Variants in KIF13A observed in about 807,000 individuals in gnomAD.
KIF13A encodes kinesin family member 13A.
A neutral mutation model predicts 212.2 loss-of-function variants in KIF13A; 79 were observed. The observed-to-expected ratio is 0.37, with a 90% CI of 0.31 to 0.45. KIF13A has a LOEUF of 0.45. Ranked by LOEUF, KIF13A falls within the 20% of genes least tolerant of loss-of-function variation. The pLI is 1.00. For synonymous variants in KIF13A, 789 were observed against 808.6 expected, an observed-to-expected ratio of 0.98 and a Z score of 0.41; for missense variants, 1,901 against 2,209.0, an observed-to-expected ratio of 0.86 and a Z score of 2.79.
intron 2 of KIF13A, among the ~76,000 whole-genome samples, chr6:17,905,456 G>A (rs767364041): frequency 3.3e-5 from 5 of 152,208 alleles, no homozygotes; most frequent in Non-Finnish European, 5.9e-5. Flanking sequence ...CAGGAATGAA[G>A]AGCTATGTTC....
At chr6:17,867,852 G>A (rs1462788647) in intron 4 of KIF13A, among the ~76,000 whole-genome samples, 1 of 152,250 alleles carries the variant, frequency 6.6e-6, no homozygotes, top group Non-Finnish European at 1.5e-5. Flanking sequence ...GGTTAGTTAA[G>A]TTAATATTTA....
rs1322422211 is a variant in KIF13A at position 17,837,086 on chromosome 6, T to G, written c.947A>C (p.Asn316Thr). Residue 316 changes from asparagine to threonine, a missense_variant, in exon 11 of 39, where the codon AAC becomes ACC. This residue lies in a region of KIF13A where 506 missense variants were observed against 637.4 expected (regional missense o/e 0.79). Transcript: ENST00000259711. This position sits in a 1 kb window ranked among gnomAD's most constrained non-coding sequence, Gnocchi z 5.4. ...AGAGGTTTGGCTGTTGCCCCCCAAG[T>G]TGTCCTGCCAAGTATTTCAAACAGC... ...DSVLTWLLKD[N>T]LGGNSQTSMI... 1.9e-6 allele frequency: 3 copies of G among 1,613,678 alleles called. No individual in the cohort carries two copies. The highest frequency in any genetic ancestry group is 3.3e-5 in the Admixed American group (2 of 60,022).
intron 30 of KIF13A, 112 bp downstream of exon 30, chr6:17,781,065 T>A: frequency 6.9e-7 from 1 of 1,445,112 alleles, no homozygotes; most frequent in Non-Finnish European, 9.5e-7. Context: ...GTTCTATTTT[T>A]TAAAGTCCCC....
At chr6:17,848,727 A>G (rs1489868010) in intron 9 of KIF13A, among the ~76,000 whole-genome samples, 1 of 151,634 alleles carries the variant, frequency 6.6e-6, no homozygotes, top group Non-Finnish European at 1.5e-5. Flanking sequence ...CACCATGCCC[A>G]GCTAATTTTT....
intron 16 of KIF13A, among the ~76,000 whole-genome samples, chr6:17,818,684 G>A (rs1764164908): frequency 6.6e-6 from 1 of 152,116 alleles, no homozygotes; most frequent in Non-Finnish European, 1.5e-5. Flanking sequence ...ATATCATCCC[G>A]ATTTTAAAAA....
chr6:17,779,134 T>C (rs1412135288), intron 32 of KIF13A, 35 bp from the exon 33 acceptor site: 3 of 1,596,032 alleles, frequency 1.9e-6, no homozygotes, highest in African/African-American at 1.3e-5. Context: ...AATACTTTGA[T>C]GTGAACAACG....
At chr6:17,904,670 C>T (rs1368793835) in intron 2 of KIF13A, among the ~76,000 whole-genome samples, 1 of 152,144 alleles carries the variant, frequency 6.6e-6, no homozygotes, top group African/African-American at 2.4e-5. Context: ...GTTCCTTCCC[C>T]ACACTTCACT....
intron 4 of KIF13A, among the ~76,000 whole-genome samples, chr6:17,867,607 T>C (rs1287026337): frequency 6.6e-6 from 1 of 152,184 alleles, no homozygotes; most frequent in East Asian, 1.9e-4. Context: ...AGTTGGGAAG[T>C]GGCAGAGGCA....
intron 2 of KIF13A, among the ~76,000 whole-genome samples, chr6:17,904,703 A>G (rs867796348): frequency 2.8e-4 from 42 of 152,224 alleles, no homozygotes; most frequent in African/African-American, 9.9e-4. Flanking sequence ...TGGGTCAAGG[A>G]GTCCTCTGAC....
Position 17,794,533 on chromosome 6 carries a change from G to A in KIF13A, c.3075+39C>T, listed in dbSNP as rs377152132. On this transcript the variant is annotated intron_variant, in intron 24 of 38. Coordinates refer to ENST00000259711, the MANE Select transcript of KIF13A (RefSeq NM_022113.6). The surrounding 1 kb of genome is among the most constrained non-coding windows in gnomAD (Gnocchi z 4.1). The stretch of plus-strand genomic sequence containing the variant: ...AAACAATGTGTAAGAGTGGAACAGA[G>A]AGAAAACATTAAAAAAAAACCCAAA... 8.5e-5 allele frequency: 135 copies of A among 1,580,898 alleles called. 1 individual carries two copies. In the African/African-American group the frequency reaches 1.3e-3, roughly 15 times the overall value.
At chr6:17,815,611 G>A in intron 17 of KIF13A, 1 of 441,166 alleles carries the variant, frequency 2.3e-6, no homozygotes, top group Non-Finnish European at 4.6e-6. Context: ...TCCTATCTCT[G>A]TATGGCTGGT....
In KIF13A at chr6:17,891,711, C is replaced by G. The variant is rs188894124; in HGVS notation, c.159+6457G>C. Among the ~76,000 whole-genome samples, 9 of 152,166 alleles carry G rather than the reference C, an allele frequency of 5.9e-5. No homozygotes were observed. The East Asian group carries it at 1.7e-3, about 29-fold the overall frequency. On this transcript the variant is annotated intron_variant, in intron 3 of 38. Transcript: ENST00000259711. The stretch of plus-strand genomic sequence containing the variant: ...AGTTTGAGGCTGGAGTTTGACGATG[C>G]AGTGAGCTATGATTGTGCCACTGTA...
chr6:17,765,494 A>G (rs956833673), intron 38 of KIF13A, among the ~76,000 whole-genome samples: 3 of 152,192 alleles, frequency 2.0e-5, no homozygotes, highest in African/African-American at 7.2e-5. Context: ...AAAAAACACA[A>G]TTTCAACACT....
Position 17,825,980 on chromosome 6 carries a change from T to TA in KIF13A, c.1620-47dup, listed in dbSNP as rs767987242. 1.0e-4 allele frequency: 165 copies of TA among 1,610,318 alleles called. No individual in the cohort carries two copies. Among genetic ancestry groups the TA allele is most frequent in the Non-Finnish European group, 1.4e-4 (161 of 1,177,020 alleles). On this transcript the variant is annotated intron_variant, in intron 15 of 38. Transcript: ENST00000259711. The surrounding 1 kb of genome is among the most constrained non-coding windows in gnomAD (Gnocchi z 4.5). ...AGAGAAAATCAACTTGTTTTACACT[T>TA]AAATAGATAACAGAAAAAATGTATA...
intron 2 of KIF13A, among the ~76,000 whole-genome samples, chr6:17,935,768 C>G (rs189890470): frequency 6.6e-6 from 1 of 152,230 alleles, no homozygotes; most frequent in East Asian, 1.9e-4. Flanking sequence ...TAGTTACTTT[C>G]AAAACTCAAA....
chr6:17,764,117 C>T lies in KIF13A; in HGVS notation c.5411G>A (p.Cys1804Tyr). The change falls in exon 39 of 39, where the codon TGT becomes TAT. Residue 1804 changes from cysteine to tyrosine, a missense_variant. Coordinates refer to ENST00000259711, the MANE Select transcript of KIF13A (RefSeq NM_022113.6). The surrounding 1 kb of genome is among the most constrained non-coding windows in gnomAD (Gnocchi z 5.1). ...IPEAAFWVLCCQ is the reference protein window; with the variant it reads ...IPEAAFWVLCYQ ...ACATACAGTTAGACATACTCATTGA[C>T]AGCACAGAACCCAAAAGGCTGCCTC... 6.2e-7 allele frequency: 1 copy of T among 1,613,490 alleles called. No individual in the cohort carries two copies. Among genetic ancestry groups the T allele is most frequent in the Non-Finnish European group, 8.5e-7 (1 of 1,179,626 alleles).
chr6:17,972,480 G>A (rs916490403), intron 2 of KIF13A, among the ~76,000 whole-genome samples: 3 of 152,156 alleles, frequency 2.0e-5, no homozygotes, highest in Admixed American at 6.5e-5. Context: ...GGGCGCCAAA[G>A]GCATCAATTC....
chr6:17,862,475 G>C (rs763081223), intron 4 of KIF13A, among the ~76,000 whole-genome samples: 6 of 151,810 alleles, frequency 4.0e-5, no homozygotes, highest in Non-Finnish European at 4.4e-5. Flanking sequence ...CTTCATTTTT[G>C]CAACAATTTT....
At position 17,900,554 on chromosome 6, in the gene KIF13A, CA is replaced by C. The variant is rs1273772101; in HGVS notation, c.147-2375del. 6.6e-6 allele frequency among the ~76,000 whole-genome samples: 1 copy of C among 152,146 alleles called. No homozygotes were observed. The highest frequency in any genetic ancestry group is 1.5e-5 in the Non-Finnish European group (1 of 68,018). On this transcript the variant is annotated intron_variant, in intron 2 of 38. Coordinates refer to ENST00000259711, the MANE Select transcript of KIF13A (RefSeq NM_022113.6). This position sits in a 1 kb window ranked among gnomAD's most constrained non-coding sequence, Gnocchi z 4.6. ...CGAAGAAAAGAAAAAAGGGAAGCCACAAAGCTCATCTGCTGCTACCCAAACT... is the reference window on the plus strand; with the variant it reads ...CGAAGAAAAGAAAAAAGGGAAGCCACAAGCTCATCTGCTGCTACCCAAACT...
Sources: gnomAD v4.1 joint callset for allele counts (sites outside exome capture counted in the v4.1 genomes callset) on GRCh38, gnomAD v4.1.1 for gene constraint, gnomAD v4.1.1 regional missense constraint, Gnocchi (gnomAD v3.1) non-coding constraint, MANE v1.5 for transcripts, NCBI Gene and HGNC (gene_info 2026-07-23, HGNC 2026-07-21) for gene names.